Variants in SGCZ observed in about 807,000 individuals in gnomAD.
SGCZ encodes the protein zeta-sarcoglycan.
Under a neutral mutation model 41.3 loss-of-function variants are expected in SGCZ, and 40 were observed. The ratio of observed to expected loss-of-function variants is 0.97; its 90% CI spans 0.75 to 1.26. The LOEUF (loss-of-function observed/expected upper bound fraction) is 1.26. Among genes scored for constraint, SGCZ ranks in the 50% most tolerant of loss-of-function variants. The probability of loss-of-function intolerance (pLI) is 0.00; values close to 1 mark genes in which losing one functional copy is unlikely to be tolerated. For missense variants in SGCZ, 552 were observed against 369.8 expected (o/e 1.49, Z -4.04); for synonymous variants, 206 against 137.5 (o/e 1.50, Z -3.49).
intron 1 of SGCZ, among the ~76,000 whole-genome samples, chr8:15,197,900 A>G (rs999879021): frequency 1.3e-5 from 2 of 151,288 alleles, no homozygotes; most frequent in African/African-American, 4.8e-5. Context: ...ACACACACAC[A>G]TTCGTGTATA....
chr8:14,830,997 A>G (rs894138472), intron 1 of SGCZ, among the ~76,000 whole-genome samples: 36 of 152,184 alleles, frequency 2.4e-4, no homozygotes, highest in African/African-American at 8.7e-4. Flanking sequence ...GGAGCCAGCT[A>G]TGTAAAAATC....
chr8:14,393,459 CATA>C (rs1199079865), intron 2 of SGCZ, among the ~76,000 whole-genome samples: 15 of 152,158 alleles, frequency 9.9e-5, no homozygotes, highest in African/African-American at 3.4e-4. Context: ...AGCCAATTTA[CATA>C]ATAAGATTAC....
chr8:14,244,693 A>G (rs1024471858), intron 3 of SGCZ, among the ~76,000 whole-genome samples: 1 of 151,672 alleles, frequency 6.6e-6, no homozygotes, highest in Admixed American at 6.6e-5. Context: ...CAGTATGGCC[A>G]TTTTCACGAT....
intron 2 of SGCZ, among the ~76,000 whole-genome samples, chr8:14,465,089 T>C (rs760683994): frequency 1.5e-4 from 23 of 151,710 alleles, no homozygotes; most frequent in Non-Finnish European, 3.2e-4. Flanking sequence ...ATCTCTATTA[T>C]ATCCAGTTTA....
At chr8:14,743,595 A>C (rs1799258868) in intron 1 of SGCZ, among the ~76,000 whole-genome samples, 1 of 152,080 alleles carries the variant, frequency 6.6e-6, no homozygotes, top group African/African-American at 2.4e-5. Context: ...CTATACATAA[A>C]GATACAGTAT....
chr8:14,624,636 T>A (rs1332910122), intron 1 of SGCZ, among the ~76,000 whole-genome samples: 2 of 144,678 alleles, frequency 1.4e-5, no homozygotes, highest in African/African-American at 5.1e-5. Flanking sequence ...AGTTGTGTGA[T>A]CTCGGCTCAC....
intron 2 of SGCZ, among the ~76,000 whole-genome samples, chr8:14,514,682 C>A (rs540339495): frequency 6.8e-6 from 1 of 147,656 alleles, no homozygotes; most frequent in Admixed American, 6.8e-5. Flanking sequence ...AATATATATA[C>A]GTATATATTT....
At chr8:14,637,309 CA>C (rs111500851) in intron 1 of SGCZ, among the ~76,000 whole-genome samples, 1 of 126,578 alleles carries the variant, frequency 7.9e-6, no homozygotes, top group East Asian at 3.3e-4. Flanking sequence ...TCTCTATTTT[CA>C]TTTTTTTTTT....
chr8:14,656,994 A>C (rs1241992222), intron 1 of SGCZ, among the ~76,000 whole-genome samples: 1 of 151,990 alleles, frequency 6.6e-6, no homozygotes, highest in East Asian at 1.9e-4. Flanking sequence ...TCTATATATA[A>C]AATTTGTTTT....
chr8:14,612,527 G>T (rs931227414), intron 1 of SGCZ, among the ~76,000 whole-genome samples: 1 of 152,058 alleles, frequency 6.6e-6, no homozygotes, highest in African/African-American at 2.4e-5. Context: ...TAATACAGAG[G>T]TTTATGGAAT....
At chr8:15,126,077 C>T (rs565838069) in intron 1 of SGCZ, among the ~76,000 whole-genome samples, 14 of 152,138 alleles carry the variant, frequency 9.2e-5, no homozygotes, top group African/African-American at 3.1e-4. Flanking sequence ...ACCCTGGAGG[C>T]GGAGGCTGCA....
intron 3 of SGCZ, among the ~76,000 whole-genome samples, chr8:14,301,173 G>A (rs1801173416): frequency 6.6e-6 from 1 of 151,718 alleles, no homozygotes; most frequent in South Asian, 2.1e-4. Flanking sequence ...ATCTAGTTTA[G>A]TATTAACATG....
chr8:14,182,368 T>A (rs984292815), intron 4 of SGCZ, among the ~76,000 whole-genome samples: 1 of 152,026 alleles, frequency 6.6e-6, no homozygotes, highest in African/African-American at 2.4e-5. Context: ...GGAAATCCAG[T>A]CTTATTGCTC....
At chr8:14,551,589 A>AATATATATT (rs1194041409) in intron 2 of SGCZ, among the ~76,000 whole-genome samples, 4 of 34,038 alleles carry the variant, frequency 1.2e-4, no homozygotes, top group African/African-American at 5.1e-4. Context: ...TAATATATAT[A>AATATATATT]ATATATATTA....
At chr8:14,745,215 G>A (rs969748916) in intron 1 of SGCZ, among the ~76,000 whole-genome samples, 2 of 151,932 alleles carry the variant, frequency 1.3e-5, no homozygotes, top group Admixed American at 1.3e-4. Context: ...TACTGTGTGT[G>A]TGTGTGTTGA....
intron 1 of SGCZ, among the ~76,000 whole-genome samples, chr8:15,218,588 T>C (rs901184698): frequency 6.6e-6 from 1 of 152,246 alleles, no homozygotes; most frequent in East Asian, 1.9e-4. Context: ...GATTTTAACA[T>C]GGCCACCTAC....
At chr8:14,474,050 G>A (rs1188692082) in intron 2 of SGCZ, among the ~76,000 whole-genome samples, 1 of 152,062 alleles carries the variant, frequency 6.6e-6, no homozygotes, top group East Asian at 1.9e-4. Flanking sequence ...ACAAGATTGG[G>A]GAAAGTTATA....
chr8:15,207,911 A>G (rs1801120087), intron 1 of SGCZ, among the ~76,000 whole-genome samples: 2 of 152,312 alleles, frequency 1.3e-5, no homozygotes, highest in South Asian at 4.1e-4. Context: ...TTTTAATACA[A>G]GTTTTTCAAA....
At chr8:14,932,115 A>T (rs934927985) in intron 1 of SGCZ, among the ~76,000 whole-genome samples, 3 of 152,088 alleles carry the variant, frequency 2.0e-5, no homozygotes, top group Admixed American at 6.5e-5. Flanking sequence ...TATAAATTTT[A>T]CTTTTTGAAC....
Sources: gnomAD v4.1 joint callset for allele counts (sites outside exome capture counted in the v4.1 genomes callset) on GRCh38, gnomAD v4.1.1 for gene constraint, MANE v1.5 for transcripts, NCBI Gene and HGNC (gene_info 2026-07-23, HGNC 2026-07-21) for gene names.